The following PLCB4 variants were observed in gnomAD, a reference collection of about 807,000 sequenced individuals.
PLCB4 encodes 1-phosphatidylinositol 4,5-bisphosphate phosphodiesterase beta-4.
A neutral mutation model predicts 178.8 loss-of-function variants in PLCB4; 77 were observed. That is an observed-to-expected ratio of 0.43 (90% CI 0.36 to 0.52). The LOEUF is 0.52. Ranked by LOEUF, PLCB4 falls within the 20% of genes least tolerant of loss-of-function variation. The pLI, the probability that PLCB4 is intolerant of heterozygous loss-of-function variation, is 0.00. For missense variants in PLCB4, 1,024 were observed against 1,453.4 expected (o/e 0.70, Z 4.80); for synonymous variants, 496 against 490.8 (o/e 1.01, Z -0.14).
intron 7 of PLCB4, among the ~76,000 whole-genome samples, chr20:9,354,682 T>G (rs945561480): frequency 6.6e-6 from 1 of 152,236 alleles, no homozygotes; most frequent in African/African-American, 2.4e-5. Context: ...ATTCAAGATA[T>G]GCAATTTGTG....
chr20:9,455,514 A>G (rs866562990), intron 33 of PLCB4, among the ~76,000 whole-genome samples: 1 of 152,164 alleles, frequency 6.6e-6, no homozygotes, highest in Non-Finnish European at 1.5e-5. Context: ...TTTATTATAA[A>G]CTTGGTAATT....
At chr20:9,312,352 C>T (rs1481934008) in intron 4 of PLCB4, among the ~76,000 whole-genome samples, 1 of 109,690 alleles carries the variant, frequency 9.1e-6, no homozygotes, top group Non-Finnish European at 1.8e-5. Flanking sequence ...ACCTTCCACC[C>T]TACACACACA....
chr20:9,278,172 G>T (rs1172169469), intron 3 of PLCB4, among the ~76,000 whole-genome samples: 2 of 152,114 alleles, frequency 1.3e-5, no homozygotes, highest in Middle Eastern at 3.4e-3. Context: ...TCAATACTTG[G>T]TGGATAGGGA....
At chr20:9,329,449 C>T (rs2031294166) in intron 4 of PLCB4, among the ~76,000 whole-genome samples, 1 of 152,098 alleles carries the variant, frequency 6.6e-6, no homozygotes, top group South Asian at 2.1e-4. Flanking sequence ...TAGAGCGTTG[C>T]CTGGCTCTTA....
At chr20:9,295,377 G>A (rs1725025633) in intron 3 of PLCB4, among the ~76,000 whole-genome samples, 2 of 151,926 alleles carry the variant, frequency 1.3e-5, no homozygotes, top group South Asian at 2.1e-4. Flanking sequence ...TTTGAGAGAG[G>A]GAAAAAACTG....
rs146458656 is a variant in PLCB4, at chr20:9,212,137, G to A, written c.-78-5253G>A. 7.6e-4 allele frequency among the ~76,000 whole-genome samples: 115 copies of A among 152,298 alleles called. 1 individual carries two copies. The highest frequency in any genetic ancestry group is 3.7e-3 in the Admixed American group (56 of 15,306). On this transcript the variant is annotated intron_variant, in intron 2 of 39. Coordinates refer to ENST00000378473, the MANE Select transcript of PLCB4 (RefSeq NM_001377142.1). ...GCGATACAACAGAGGCTTGGAAAGT[G>A]CTTGTGCTTTGGGGCCTGCCTTCTT... is the stretch of plus-strand genomic sequence containing the variant.
intron 3 of PLCB4, among the ~76,000 whole-genome samples, chr20:9,279,559 A>G (rs2094476681): frequency 6.6e-6 from 1 of 152,062 alleles, no homozygotes; most frequent in Non-Finnish European, 1.5e-5. Context: ...AGTGACTAGC[A>G]GGAAATTCAG....
chr20:9,462,099 C>T (rs192167629), intron 35 of PLCB4, among the ~76,000 whole-genome samples: 7 of 152,260 alleles, frequency 4.6e-5, no homozygotes, highest in African/African-American at 1.4e-4. Context: ...CTGCAGCCTC[C>T]GCTGGTGATA....
intron 30 of PLCB4, among the ~76,000 whole-genome samples, chr20:9,437,905 AT>A (rs2041872819): frequency 1.3e-5 from 2 of 152,216 alleles, no homozygotes. Context: ...GAAAGAGGTC[AT>A]TGCAGATGAG....
intron 3 of PLCB4, among the ~76,000 whole-genome samples, chr20:9,273,401 G>A (rs182414450): frequency 6.6e-6 from 1 of 152,182 alleles, no homozygotes; most frequent in African/African-American, 2.4e-5. Context: ...ACTTGCTGAA[G>A]ATCACACAGT....
chr20:9,314,523 A>G (rs2094876656), intron 4 of PLCB4, among the ~76,000 whole-genome samples: 1 of 152,182 alleles, frequency 6.6e-6, no homozygotes, highest in Non-Finnish European at 1.5e-5. Flanking sequence ...TGCAAGGTGG[A>G]GAGAATGCCA....
intron 3 of PLCB4, among the ~76,000 whole-genome samples, chr20:9,269,537 A>G (rs943767339): frequency 1.3e-5 from 2 of 152,160 alleles, no homozygotes; most frequent in African/African-American, 2.4e-5. Context: ...AATCTGGTAA[A>G]CAGAAGGTTG....
chr20:9,231,569 C>T (rs945956732), intron 3 of PLCB4, among the ~76,000 whole-genome samples: 7 of 152,026 alleles, frequency 4.6e-5, no homozygotes, highest in African/African-American at 1.5e-4. Flanking sequence ...TCCTTAGCCT[C>T]GTTGTGGGAT....
chr20:9,114,447 A>G (rs1173801438), intron 2 of PLCB4, among the ~76,000 whole-genome samples: 2 of 152,160 alleles, frequency 1.3e-5, no homozygotes, highest in Non-Finnish European at 2.9e-5. Flanking sequence ...AGAGGATTAG[A>G]GATGAGTATG....
At chr20:9,301,717 T>A (rs766849821) in intron 3 of PLCB4, among the ~76,000 whole-genome samples, 81 of 152,232 alleles carry the variant, frequency 5.3e-4, no homozygotes, top group South Asian at 1.0e-3. Context: ...TGCCAGTTTC[T>A]TATTATCATC....
chr20:9,426,568 G>A (rs1005936819), intron 28 of PLCB4, among the ~76,000 whole-genome samples: 2 of 151,914 alleles, frequency 1.3e-5, no homozygotes, highest in African/African-American at 4.8e-5. Flanking sequence ...GTAGAGACGG[G>A]GTTTCACCAT....
At chr20:9,436,876 TTTAAG>T (rs1452702413) in intron 29 of PLCB4, 121 bp from the exon 30 acceptor site, 1 of 851,088 alleles carries the variant, frequency 1.2e-6, no homozygotes, top group African/African-American at 1.7e-5. Context: ...ATCCTTTGCC[TTTAAG>T]AGAGTAGAAG....
intron 2 of PLCB4, among the ~76,000 whole-genome samples, chr20:9,113,249 G>A (rs963855091): frequency 2.6e-5 from 4 of 151,976 alleles, no homozygotes; most frequent in African/African-American, 7.3e-5. Context: ...TTTTAGAGTC[G>A]GAGCCCTTTG....
chr20:9,478,945 A>C lies in PLCB4; in HGVS notation c.3557A>C (p.Glu1186Ala). The C allele has an allele frequency of 6.2e-7, 1 of 1,613,732 alleles. No individual in the cohort carries two copies. The highest frequency in any genetic ancestry group is 8.5e-7 in the Non-Finnish European group (1 of 1,179,690). ...TQGEGDAADG[E>A]IGSRDGPQTS... ...GGCGAAGGAGATGCAGCAGATGGTG[A>C]AATTGGAAGCCGAGATGGACCGCAG... is the stretch of plus-strand genomic sequence containing the variant. Residue 1186 changes from glutamate (E) to alanine (A), a missense_variant, in exon 40 of 40, where the codon GAA (glutamate) becomes GCA (alanine). Physicochemically the swap from Glu to Ala is moderately radical, Grantham distance 107 (BLOSUM62 -1). Around this residue, in one of 7 missense-constraint regions of PLCB4, gnomAD observed 264 missense variants for 283.2 expected, o/e 0.93. Transcript: ENST00000378473.
Sources: allele counts gnomAD v4.1 joint callset (sites outside exome capture counted in the v4.1 genomes callset), GRCh38; gene constraint gnomAD v4.1.1; regional missense constraint gnomAD v4.1.1; transcripts MANE v1.5; gene names NCBI Gene and HGNC (gene_info 2026-07-23, HGNC 2026-07-21).